Variants in CNTN5 observed in about 807,000 individuals in gnomAD.
CNTN5 encodes the protein contactin 5, also known as contactin-5.
A neutral mutation model predicts 129.1 loss-of-function variants in CNTN5; 77 were observed. The ratio of observed to expected loss-of-function variants is 0.60; its 90% CI spans 0.50 to 0.72. The LOEUF is 0.72. Among genes scored for constraint, CNTN5 ranks in the 30% least tolerant of loss-of-function variants. CNTN5 has a pLI of 0.00. For missense variants in CNTN5, 1,478 were observed against 1,328.8 expected, an observed-to-expected ratio of 1.11 and a Z score of -1.75; for synonymous variants, 509 against 465.6, an observed-to-expected ratio of 1.09 and a Z score of -1.20.
intron 7 of CNTN5, among the ~76,000 whole-genome samples, chr11:99,934,947 TAC>T (rs376959710): frequency 0.061 from 4,712 of 76,924 alleles, 143 homozygotes; most frequent in Non-Finnish European, 0.078. Context: ...TATATATATA[TAC>T]ACACACATAT....
intron 1 of CNTN5, among the ~76,000 whole-genome samples, chr11:99,087,007 T>TTA (rs1565306747): frequency 6.6e-6 from 1 of 152,172 alleles, no homozygotes; most frequent in Non-Finnish European, 1.5e-5. Flanking sequence ...AAACTGACCA[T>TTA]TATCACCCAG....
At chr11:99,538,337 G>A (rs755501571) in intron 2 of CNTN5, among the ~76,000 whole-genome samples, 1 of 152,122 alleles carries the variant, frequency 6.6e-6, no homozygotes, top group Non-Finnish European at 1.5e-5. Flanking sequence ...CTGCTGACAA[G>A]AGTCTGTTTT....
chr11:99,238,618 G>C (rs1434846857), intron 1 of CNTN5, among the ~76,000 whole-genome samples: 2 of 152,104 alleles, frequency 1.3e-5, no homozygotes, highest in African/African-American at 4.8e-5. Context: ...CAAGAAAACA[G>C]TTTGTGAATA....
chr11:100,352,347 ATTCAT>A (rs1413038057), intron 24 of CNTN5, among the ~76,000 whole-genome samples: 1 of 151,770 alleles, frequency 6.6e-6, no homozygotes, highest in African/African-American at 2.4e-5. Flanking sequence ...TTACATCAAC[ATTCAT>A]TTCATTTTTT....
chr11:99,818,769 A>T (rs1946675599), intron 3 of CNTN5, among the ~76,000 whole-genome samples: 1 of 152,194 alleles, frequency 6.6e-6, no homozygotes, highest in Non-Finnish European at 1.5e-5. Context: ...AGGATGCTCA[A>T]CCTTTCTAAC....
At chr11:99,179,903 C>T (rs1051249009) in intron 1 of CNTN5, among the ~76,000 whole-genome samples, 1 of 152,112 alleles carries the variant, frequency 6.6e-6, no homozygotes, top group African/African-American at 2.4e-5. Flanking sequence ...GAAAAGTCAA[C>T]CACTATTTTT....
intron 1 of CNTN5, among the ~76,000 whole-genome samples, chr11:99,289,722 T>C (rs1864088773): frequency 6.6e-6 from 1 of 151,836 alleles, no homozygotes; most frequent in South Asian, 2.1e-4. Context: ...TTCAAGGACA[T>C]TTCTCGACAA....
chr11:99,348,456 A>G (rs10893171), intron 2 of CNTN5, among the ~76,000 whole-genome samples: 1 of 152,080 alleles, frequency 6.6e-6, no homozygotes, highest in Non-Finnish European at 1.5e-5. Context: ...GATATTTTTG[A>G]TTATATTGAA....
chr11:99,264,432 T>C (rs1862790371), intron 1 of CNTN5, among the ~76,000 whole-genome samples: 1 of 151,960 alleles, frequency 6.6e-6, no homozygotes, highest in African/African-American at 2.4e-5. Flanking sequence ...AGGCATTGAG[T>C]TAAAGTCTTA....
At chr11:100,004,601 T>G (rs192616348) in intron 9 of CNTN5, among the ~76,000 whole-genome samples, 14 of 152,316 alleles carry the variant, frequency 9.2e-5, no homozygotes, top group Non-Finnish European at 1.8e-4. Flanking sequence ...CTCAGACATT[T>G]CAATAGAATT....
intron 9 of CNTN5, among the ~76,000 whole-genome samples, chr11:100,012,933 T>C (rs1428825904): frequency 6.6e-6 from 1 of 152,174 alleles, no homozygotes; most frequent in Non-Finnish European, 1.5e-5. Context: ...GAAAAGTTTC[T>C]TCCTCTGGGA....
chr11:100,357,000 T>C lies in CNTN5; in HGVS notation c.*780T>C, dbSNP rs1189877942. Reference sequence around the variant, plus strand: ...AAGATGGTTTAACATCACCAAAAAATATGATCACTAAAAACTGCAGACATG... The same window carrying C: ...AAGATGGTTTAACATCACCAAAAAACATGATCACTAAAAACTGCAGACATG... On this transcript the variant is annotated 3_prime_UTR_variant, in exon 25 of 25. Coordinates refer to ENST00000524871, the MANE Select transcript of CNTN5 (RefSeq NM_014361.4). 6.6e-6 allele frequency: 1 copy of C among 151,726 alleles called. No individual in the cohort carries two copies. The highest frequency in any genetic ancestry group is 1.5e-5 in the Non-Finnish European group (1 of 67,810). 9.4% of individuals were successfully genotyped at this position (151,726 alleles called of 1,614,324 possible).
chr11:99,892,812 C>G lies in CNTN5; in HGVS notation c.578-23242C>G, dbSNP rs151160446. 6.8e-3 allele frequency among the ~76,000 whole-genome samples: 1,032 copies of G among 152,156 alleles called. 10 individuals carry two copies. Among genetic ancestry groups the G allele is most frequent in the African/African-American group, 0.022 (932 of 41,534 alleles). ...CTTAGGATTGCCTTGGCTATGTGGG[C>G]TCTTTTTTGGTTCCATATGAAGTTT... On this transcript the variant is annotated intron_variant, in intron 6 of 24. Coordinates refer to ENST00000524871, the MANE Select transcript of CNTN5 (RefSeq NM_014361.4).
chr11:99,185,363 TA>T (rs1270207610), intron 1 of CNTN5, among the ~76,000 whole-genome samples: 1 of 151,804 alleles, frequency 6.6e-6, no homozygotes, highest in Non-Finnish European at 1.5e-5. Context: ...CACCTAAAAT[TA>T]AACTTGTAAA....
At chr11:99,508,786 A>G (rs1946724813) in intron 2 of CNTN5, among the ~76,000 whole-genome samples, 1 of 151,570 alleles carries the variant, frequency 6.6e-6, no homozygotes, top group East Asian at 1.9e-4. Flanking sequence ...AGTTCAAGCG[A>G]TTCTCCTGCC....
In CNTN5 at chr11:99,689,393, G is replaced by A. The variant is rs551649367; in HGVS notation, c.56-130151G>A. Among the ~76,000 whole-genome samples the A allele has an allele frequency of 2.6e-4, 40 of 152,026 alleles. No homozygotes were observed. The East Asian group carries it at 7.8e-3, about 30-fold the overall frequency. ...ATACAAAAAATTAGCTGGGCGTGGTGGTGGGCGCCTGTAGTCCCAGCTGCT... is the reference window on the plus strand; with the variant it reads ...ATACAAAAAATTAGCTGGGCGTGGTAGTGGGCGCCTGTAGTCCCAGCTGCT... On this transcript the variant is annotated intron_variant, in intron 3 of 24. Transcript: ENST00000524871.
rs1199103029 is a variant in CNTN5, at chr11:99,845,226, A to G, written c.541A>G (p.Ser181Gly). The change falls in exon 6 of 25, where the codon AGT becomes GGT. Residue 181 changes from serine to glycine, a missense_variant. Coordinates refer to ENST00000524871, the MANE Select transcript of CNTN5 (RefSeq NM_014361.4). ...GTGTTTAGCAACCAACACTGTGGGG[A>G]GTATTCTTAGTAGAGAAGCTACACT... ...YQCLATNTVG[S>G]ILSREATLQF... 1.2e-5 allele frequency: 19 copies of G among 1,613,028 alleles called. No individual in the cohort carries two copies. Among genetic ancestry groups the G allele is most frequent in the Non-Finnish European group, 1.6e-5 (19 of 1,179,616 alleles).
chr11:99,383,175 C>G (rs1214320729), intron 2 of CNTN5, among the ~76,000 whole-genome samples: 1 of 152,002 alleles, frequency 6.6e-6, no homozygotes, highest in East Asian at 1.9e-4. Flanking sequence ...TTTTATTTCA[C>G]TAAATATATT....
chr11:99,090,927 C>G (rs2135316729), intron 1 of CNTN5, among the ~76,000 whole-genome samples: 1 of 143,534 alleles, frequency 7.0e-6, no homozygotes, highest in African/African-American at 2.6e-5. Context: ...GAGGCTGAGG[C>G]AGGAGAATGG....
Sources: allele counts gnomAD v4.1 joint callset (sites outside exome capture counted in the v4.1 genomes callset), GRCh38; gene constraint gnomAD v4.1.1; transcripts MANE v1.5; gene names NCBI Gene and HGNC (gene_info 2026-07-23, HGNC 2026-07-21).